Variants in ANKRD28 observed in about 807,000 individuals in gnomAD.
ANKRD28 encodes the protein serine/threonine-protein phosphatase 6 regulatory ankyrin repeat subunit A.
In ANKRD28, 44 loss-of-function variants were observed where a neutral mutation model predicts 126.5. The ratio of observed to expected loss-of-function variants is 0.35; its 90% CI spans 0.27 to 0.45. The LOEUF is 0.45. ANKRD28 is among the 20% of genes least tolerant of loss of function. The pLI is 1.00. For synonymous variants in ANKRD28, 442 were observed against 468.5 expected (o/e 0.94, Z 0.73); for missense variants, 1,110 against 1,316.6 (o/e 0.84, Z 2.43).
At chr3:15,773,498 G>A (rs1011326970) in intron 2 of ANKRD28, among the ~76,000 whole-genome samples, 1 of 152,096 alleles carries the variant, frequency 6.6e-6, no homozygotes, top group Non-Finnish European at 1.5e-5. Flanking sequence ...GGTGGTGTGC[G>A]CCTGTAATCC....
In ANKRD28 at chr3:15,749,095, G is replaced by GTTTTTTTTTTTTTTTTTTTT. The variant is rs1357402514; in HGVS notation, c.351+2654_351+2655insAAAAAAAAAAAAAAAAAAAA. On this transcript the variant is annotated intron_variant, in intron 4 of 27. Transcript: ENST00000683139. ...ATTTTCCTTTCATATTCTATATTAT[G>GTTTTTTTTTTTTTTTTTTTT]TTTTTGTTTTTTTTTTTTTTTTTTT... is the stretch of plus-strand genomic sequence containing the variant. Among the ~76,000 whole-genome samples the GTTTTTTTTTTTTTTTTTTTT allele has an allele frequency of 5.6e-5, 6 of 106,990 alleles. 1 individual carries two copies. Among genetic ancestry groups the GTTTTTTTTTTTTTTTTTTTT allele is most frequent in the Non-Finnish European group, 8.8e-5 (5 of 56,968 alleles). 70.2% of individuals were successfully genotyped at this position (106,990 alleles called of 152,430 possible).
At chr3:15,820,970 A>T (rs1002118628) in intron 1 of ANKRD28, among the ~76,000 whole-genome samples, 1 of 152,152 alleles carries the variant, frequency 6.6e-6, no homozygotes, top group Non-Finnish European at 1.5e-5. Flanking sequence ...TAGATCTGGT[A>T]AATCCACATC....
At chr3:15,678,417 T>G (rs2067184702) in intron 23 of ANKRD28, 63 bp from the exon 24 acceptor site, 2 of 1,473,122 alleles carry the variant, frequency 1.4e-6, no homozygotes, top group Non-Finnish European at 1.8e-6. Context: ...TGGAAAAATA[T>G]TCTTTAATTT....
chr3:15,747,767 G>T (rs954741163), intron 4 of ANKRD28, among the ~76,000 whole-genome samples: 4 of 152,138 alleles, frequency 2.6e-5, no homozygotes, highest in African/African-American at 4.8e-5. Context: ...CTGTTTTGAT[G>T]ATCTGTCTAG....
At position 15,843,775 on chromosome 3, in the gene ANKRD28, A is replaced by T. The variant is rs9310488; in HGVS notation, c.27+15602T>A. On this transcript the variant is annotated intron_variant, in intron 1 of 27. Coordinates refer to the ANKRD28 transcript ENST00000399451. The surrounding 1 kb of genome is among the most constrained non-coding windows in gnomAD (Gnocchi z 5.2). ...GGCCAGTTTGAGCCAAAAATAATAA[A>T]AAAAAAAAAGAGGCAGAAATCAAAA... Among the ~76,000 whole-genome samples the T allele has an allele frequency of 0.14, 6,634 of 45,966 alleles. 437 individuals carry two copies. The highest frequency in any genetic ancestry group is 0.23 in the African/African-American group (5,885 of 25,672). The allele number at this position is 45,966 out of a possible 152,430, so 30.2% of individuals were successfully genotyped here.
Position 15,796,976 on chromosome 3 carries a change from C to A in ANKRD28, c.-455G>T. 1.0e-6 allele frequency: 1 copy of A among 985,458 alleles called. No homozygotes were observed. The highest frequency in any genetic ancestry group is 1.2e-6 in the Non-Finnish European group (1 of 829,980). The allele number at this position is 985,458 out of a possible 1,614,324, so 61.0% of individuals were successfully genotyped here. On this transcript the variant is annotated 5_prime_UTR_variant, in exon 1 of 28. Transcript: ENST00000683139. ...ACAGAGATGATCACAGCGATACCCA[C>A]TCTTGCCTGCAAGGTCATATAGTTA... is the stretch of plus-strand genomic sequence containing the variant.
chr3:15,850,190 T>TAAAAAA (rs1238069051), intron 1 of ANKRD28, among the ~76,000 whole-genome samples: 443 of 31,818 alleles, frequency 0.014, 23 homozygotes, highest in African/African-American at 0.033. Context: ...CTACATGCAA[T>TAAAAAA]AAAAAAAAAA....
At chr3:15,771,699 C>A (rs150925758) in intron 2 of ANKRD28, among the ~76,000 whole-genome samples, 257 of 152,310 alleles carry the variant, frequency 1.7e-3, no homozygotes, top group Non-Finnish European at 2.6e-3. Context: ...GATTGAAGAT[C>A]ACATTTCAAC....
At chr3:15,781,727 T>C (rs1057438043) in intron 2 of ANKRD28, 1 of 152,150 alleles carries the variant, frequency 6.6e-6, no homozygotes, top group African/African-American at 2.4e-5. Context: ...CAGTGGAATG[T>C]CAGCTGCTTC....
intron 4 of ANKRD28, among the ~76,000 whole-genome samples, chr3:15,742,007 G>A (rs1387677266): frequency 2.0e-5 from 3 of 152,118 alleles, no homozygotes; most frequent in Non-Finnish European, 4.4e-5. Context: ...CCGAGGTGCC[G>A]GGATTGCAGA....
chr3:15,829,064 C>T (rs1453110398), intron 1 of ANKRD28, among the ~76,000 whole-genome samples: 2 of 152,100 alleles, frequency 1.3e-5, no homozygotes, highest in Non-Finnish European at 2.9e-5. Flanking sequence ...CTTAAGACCT[C>T]TTCACATTTT....
rs1298875119 is a variant in ANKRD28, at chr3:15,839,674, A to G, written c.27+19703T>C. Among the ~76,000 whole-genome samples, 1 of 152,172 alleles carries G rather than the reference A, an allele frequency of 6.6e-6. No individual in the cohort carries two copies. ...ACAAAATACTAGCAAACCAAATTCA[A>G]CAACACACTAAAAAAAATCATTCAT... On this transcript the variant is annotated intron_variant, in intron 1 of 27. Transcript: ENST00000399451. This position sits in a 1 kb window ranked among gnomAD's most constrained non-coding sequence, Gnocchi z 4.3.
chr3:15,786,393 T>C (rs1485100677), intron 2 of ANKRD28, among the ~76,000 whole-genome samples: 1 of 151,926 alleles, frequency 6.6e-6, no homozygotes, highest in African/African-American at 2.4e-5. Flanking sequence ...AAAAATGACA[T>C]ATTGTGTAAT....
At position 15,711,191 on chromosome 3, in the gene ANKRD28, T is replaced by C. The variant is rs540941892; in HGVS notation, c.1337+20A>G. On this transcript the variant is annotated intron_variant, in intron 12 of 27. Coordinates refer to ENST00000683139, the MANE Select transcript of ANKRD28 (RefSeq NM_001349278.2). ...GACCAGCTATCTTTTCTTAAAGAAATAAAAATACTATTAACATACCCTCCA... is the reference window on the plus strand; with the variant it reads ...GACCAGCTATCTTTTCTTAAAGAAACAAAAATACTATTAACATACCCTCCA... 6.3e-7 allele frequency: 1 copy of C among 1,594,568 alleles called. No individual in the cohort carries two copies. Among genetic ancestry groups the C allele is most frequent in the East Asian group, 2.2e-5 (1 of 44,536 alleles).
chr3:15,730,886 T>C (rs1008032615), intron 6 of ANKRD28, among the ~76,000 whole-genome samples: 22 of 152,134 alleles, frequency 1.4e-4, no homozygotes, highest in African/African-American at 5.3e-4. Flanking sequence ...AAGAGGTGAT[T>C]AGGCAATAAG....
Position 15,669,422 on chromosome 3 carries a change from T to A in ANKRD28, c.*848A>T, listed in dbSNP as rs953748751. The A allele has an allele frequency of 6.6e-6, 1 of 152,124 alleles. No individual in the cohort carries two copies. The highest frequency in any genetic ancestry group is 2.4e-5 in the African/African-American group (1 of 41,408). The allele number at this position is 152,124 out of a possible 1,614,324, so 9.4% of individuals were successfully genotyped here. On this transcript the variant is annotated 3_prime_UTR_variant, in exon 28 of 28. Coordinates refer to ENST00000683139, the MANE Select transcript of ANKRD28 (RefSeq NM_001349278.2). ...CATGAATTTTTTTCTAGGAAATTCTTTACATTTTCAAACAAAAATAGTACT... is the reference window on the plus strand; with the variant it reads ...CATGAATTTTTTTCTAGGAAATTCTATACATTTTCAAACAAAAATAGTACT...
At chr3:15,702,296 T>C (rs941674588) in intron 14 of ANKRD28, among the ~76,000 whole-genome samples, 2 of 152,182 alleles carry the variant, frequency 1.3e-5, no homozygotes, top group African/African-American at 4.8e-5. Context: ...AGGGTGCTTA[T>C]AAAATACTGA....
intron 4 of ANKRD28, among the ~76,000 whole-genome samples, chr3:15,737,574 C>T (rs2075113676): frequency 7.1e-5 from 1 of 14,002 alleles, no homozygotes; most frequent in African/African-American, 2.9e-4. Flanking sequence ...AAGTGATCCT[C>T]CCACCTTTGC....
rs915312510 is a variant in ANKRD28, at chr3:15,823,586, T to C, written c.28-28280A>G. On this transcript the variant is annotated intron_variant, in intron 1 of 27. Transcript: ENST00000399451. The stretch of plus-strand genomic sequence containing the variant: ...TATCCACATTTCTTGAGGCCAAAAC[T>C]AGACACTTCATACCAAAACTAGAAA... 1.1e-4 allele frequency among the ~76,000 whole-genome samples: 17 copies of C among 152,210 alleles called. 1 individual carries two copies. The highest frequency in any genetic ancestry group is 7.8e-4 in the Admixed American group (12 of 15,294).
Sources: gnomAD v4.1 joint callset for allele counts (sites outside exome capture counted in the v4.1 genomes callset) on GRCh38, gnomAD v4.1.1 for gene constraint, Gnocchi (gnomAD v3.1) non-coding constraint, MANE v1.5 for transcripts, NCBI Gene and HGNC (gene_info 2026-07-23, HGNC 2026-07-21) for gene names.